Variants in SLC35F4 observed in about 807,000 individuals in gnomAD.
SLC35F4 encodes the protein chromosome 14 open reading frame 36.
Under a neutral mutation model 44.2 loss-of-function variants are expected in SLC35F4, and 24 were observed. The observed-to-expected ratio is 0.54, with a 90% CI of 0.39 to 0.76. The LOEUF (loss-of-function observed/expected upper bound fraction) is 0.76. Among genes scored for constraint, SLC35F4 ranks in the 30% least tolerant of loss-of-function variants. The pLI is 0.00. For synonymous variants in SLC35F4, 238 were observed against 223.6 expected, an observed-to-expected ratio of 1.06 and a Z score of -0.57; for missense variants, 562 against 586.1, an observed-to-expected ratio of 0.96 and a Z score of 0.42.
intron 1 of SLC35F4, among the ~76,000 whole-genome samples, chr14:57,955,733 C>G (rs568148636): frequency 2.4e-4 from 36 of 152,076 alleles, no homozygotes; most frequent in African/African-American, 8.4e-4. Flanking sequence ...CAACTTACAA[C>G]GGATGTGAAG....
At chr14:57,921,444 T>C (rs1889442064) in intron 1 of SLC35F4, among the ~76,000 whole-genome samples, 1 of 152,244 alleles carries the variant, frequency 6.6e-6, no homozygotes, top group African/African-American at 2.4e-5. Flanking sequence ...ACCTTGGCTT[T>C]TTCATCTCTA....
At chr14:57,949,947 C>G (rs1890104916) in intron 1 of SLC35F4, among the ~76,000 whole-genome samples, 1 of 152,144 alleles carries the variant, frequency 6.6e-6, no homozygotes, top group Admixed American at 6.5e-5. Context: ...TTTTGTTTCA[C>G]AGGTCTTAAG....
intron 1 of SLC35F4, among the ~76,000 whole-genome samples, chr14:57,620,189 G>C (rs932818786): frequency 6.6e-6 from 1 of 152,048 alleles, no homozygotes; most frequent in Admixed American, 6.6e-5. Flanking sequence ...GAAATACAGA[G>C]AACACCATAA....
rs576513973 is a variant in SLC35F4, at chr14:57,774,790, T to C, written c.103+90933A>G. 1.0e-3 allele frequency among the ~76,000 whole-genome samples: 157 copies of C among 152,222 alleles called. 1 individual carries two copies. The highest frequency in any genetic ancestry group is 1.6e-3 in the Non-Finnish European group (109 of 68,036). On this transcript the variant is annotated intron_variant, in intron 1 of 7. Coordinates refer to ENST00000556826, the MANE Select transcript of SLC35F4 (RefSeq NM_001306087.2). Reference sequence around the variant, plus strand: ...CATTGCAGCCTCCCCTGTGCCACTTTGCCTGCAAGCACTTGCCCAGAGCCA... The same window carrying C: ...CATTGCAGCCTCCCCTGTGCCACTTCGCCTGCAAGCACTTGCCCAGAGCCA...
At chr14:57,737,370 T>C (rs1488032456) in intron 1 of SLC35F4, among the ~76,000 whole-genome samples, 1 of 152,122 alleles carries the variant, frequency 6.6e-6, no homozygotes, top group Non-Finnish European at 1.5e-5. Context: ...GTTTATTTTC[T>C]GCCTCCTTTT....
At chr14:57,617,224 G>A (rs547548206) in intron 1 of SLC35F4, among the ~76,000 whole-genome samples, 2 of 136,486 alleles carry the variant, frequency 1.5e-5, no homozygotes, top group African/African-American at 2.7e-5. Flanking sequence ...TCCACCTCCC[G>A]GGTTCATGCC....
intron 1 of SLC35F4, among the ~76,000 whole-genome samples, chr14:57,910,481 G>T (rs1889196018): frequency 6.6e-6 from 1 of 151,974 alleles, no homozygotes; most frequent in African/African-American, 2.4e-5. Context: ...TTTATGAATG[G>T]TGTAAGATCT....
At chr14:57,800,808 A>T (rs552717300) in intron 1 of SLC35F4, among the ~76,000 whole-genome samples, 1 of 152,322 alleles carries the variant, frequency 6.6e-6, no homozygotes, top group South Asian at 2.1e-4. Flanking sequence ...ACAGGCAGAC[A>T]AGAATAGAGA....
intron 1 of SLC35F4, among the ~76,000 whole-genome samples, chr14:57,690,692 C>A (rs1200084764): frequency 6.6e-6 from 1 of 151,870 alleles, no homozygotes; most frequent in Non-Finnish European, 1.5e-5. Context: ...TGCTTTCCTG[C>A]AACTAGATGG....
upstream of SLC35F4, among the ~76,000 whole-genome samples, chr14:57,868,775 A>G (rs182198402): frequency 6.6e-6 from 1 of 152,292 alleles, no homozygotes; most frequent in East Asian, 1.9e-4. Flanking sequence ...AAGGAAGGAT[A>G]ACTTTTAAAG....
At chr14:57,590,226 C>CAAAAAAA (rs55850524) in intron 2 of SLC35F4, among the ~76,000 whole-genome samples, 1 of 119,180 alleles carries the variant, frequency 8.4e-6, no homozygotes. Flanking sequence ...CTTGTCTATG[C>CAAAAAAA]AAAAAAAAAA....
At chr14:57,565,060 C>T (rs1312663190) in intron 7 of SLC35F4, among the ~76,000 whole-genome samples, 4 of 152,288 alleles carry the variant, frequency 2.6e-5, no homozygotes, top group Admixed American at 6.5e-5. Context: ...TGTTGTAGCA[C>T]GTGTCAGCAC....
chr14:57,971,856 T>C (rs1881062482), downstream of SLC35F4, among the ~76,000 whole-genome samples: 1 of 152,136 alleles, frequency 6.6e-6, no homozygotes, highest in South Asian at 2.1e-4. Context: ...ACTGTCTACT[T>C]CAAATGTGCC....
chr14:57,564,528 T>C lies in SLC35F4; in HGVS notation c.1217-152A>G, dbSNP rs537761009. Among the ~76,000 whole-genome samples the C allele has an allele frequency of 2.9e-4, 44 of 152,358 alleles. 1 individual carries two copies. The South Asian group carries it at 8.9e-3, about 31-fold the overall frequency. ...CCTTTTTCCACATTGCTAGGTTTGC[T>C]TTCCACTGCCTGTCTCTAAGTCATG... On this transcript the variant is annotated intron_variant, in intron 7 of 7. Transcript: ENST00000556826.
intron 1 of SLC35F4, among the ~76,000 whole-genome samples, chr14:57,600,691 C>CAAAAA (rs67819924): frequency 1.1e-4 from 6 of 55,404 alleles, no homozygotes; most frequent in African/African-American, 1.5e-4. Context: ...GACTCCATCT[C>CAAAAA]AAAAAAAAAA....
chr14:57,683,696 T>C (rs894518589), intron 1 of SLC35F4, among the ~76,000 whole-genome samples: 2 of 152,226 alleles, frequency 1.3e-5, no homozygotes, highest in African/African-American at 4.8e-5. Context: ...CACTTTTGAC[T>C]TTTAAAATTG....
At chr14:57,712,015 C>T (rs1566786606) in intron 1 of SLC35F4, among the ~76,000 whole-genome samples, 1 of 152,136 alleles carries the variant, frequency 6.6e-6, no homozygotes, top group Non-Finnish European at 1.5e-5. Flanking sequence ...CTTAGAGAAA[C>T]AGGTACATAG....
chr14:57,879,384 G>A (rs1427890067), intron 1 of SLC35F4, among the ~76,000 whole-genome samples: 1 of 151,854 alleles, frequency 6.6e-6, no homozygotes, highest in South Asian at 2.1e-4. Context: ...CCCAGGCCTG[G>A]CTCTTCCCAG....
At chr14:57,783,659 C>G (rs1387888411) in intron 1 of SLC35F4, among the ~76,000 whole-genome samples, 2 of 152,220 alleles carry the variant, frequency 1.3e-5, no homozygotes, top group African/African-American at 4.8e-5. Flanking sequence ...GATGCTTTGT[C>G]TCTGAAGTCA....
Sources: allele counts gnomAD v4.1 joint callset (sites outside exome capture counted in the v4.1 genomes callset), GRCh38; gene constraint gnomAD v4.1.1; transcripts MANE v1.5; gene names NCBI Gene and HGNC (gene_info 2026-07-23, HGNC 2026-07-21).